The following RBFOX1 variants were observed in gnomAD, a reference collection of about 807,000 sequenced individuals.
The protein encoded by RBFOX1 is RNA binding fox-1 homolog 1, also known as RNA binding protein fox-1 homolog 1.
A neutral mutation model predicts 57.7 loss-of-function variants in RBFOX1; 8 were observed. That is an observed-to-expected ratio of 0.14 (90% CI 0.08 to 0.25). RBFOX1 has a LOEUF of 0.25. RBFOX1 is among the 10% of genes least tolerant of loss of function. RBFOX1 has a pLI of 1.00. For synonymous variants in RBFOX1, 326 were observed against 222.4 expected (o/e 1.47, Z -4.15); for missense variants, 611 against 548.5 (o/e 1.11, Z -1.14).
intron 3 of RBFOX1, among the ~76,000 whole-genome samples, chr16:5,845,139 T>C (rs2056723259): frequency 6.6e-6 from 1 of 151,930 alleles, no homozygotes; most frequent in Non-Finnish European, 1.5e-5. Flanking sequence ...TCCCTTAAGC[T>C]TTAATTAATG....
At chr16:7,331,389 T>C (rs1460323746) in intron 4 of RBFOX1, among the ~76,000 whole-genome samples, 1 of 152,160 alleles carries the variant, frequency 6.6e-6, no homozygotes, top group Non-Finnish European at 1.5e-5. Context: ...TGGGCATTAT[T>C]TGAGTGGATT....
chr16:6,867,372 A>G (rs771112882), intron 3 of RBFOX1, among the ~76,000 whole-genome samples: 6 of 151,912 alleles, frequency 3.9e-5, no homozygotes, highest in Non-Finnish European at 5.9e-5. Context: ...ATTCTTTTTA[A>G]TGACCTTTAT....
intron 3 of RBFOX1, among the ~76,000 whole-genome samples, chr16:5,800,494 C>T (rs1236281330): frequency 2.6e-5 from 4 of 152,074 alleles, no homozygotes; most frequent in Non-Finnish European, 5.9e-5. Context: ...TAGACGGAGA[C>T]TCCTCTGCTG....
chr16:5,855,572 A>G (rs1045899724), intron 3 of RBFOX1, among the ~76,000 whole-genome samples: 1 of 152,016 alleles, frequency 6.6e-6, no homozygotes, highest in African/African-American at 2.4e-5. Context: ...ATTCTGTTCC[A>G]TTGGTCTTTA....
intron 4 of RBFOX1, among the ~76,000 whole-genome samples, chr16:7,410,830 CGTGTGT>C (rs56755477): frequency 0.32 from 48,387 of 150,306 alleles, 7,995 homozygotes; most frequent in Middle Eastern, 0.38. Context: ...TGAGTTTTCA[CGTGTGT>C]GTGTGTGTGT....
chr16:6,092,518 T>G (rs1268942790), intron 1 of RBFOX1: 1 of 152,210 alleles, frequency 6.6e-6, no homozygotes, highest in Non-Finnish European at 1.5e-5. Flanking sequence ...GTTCAACATG[T>G]TATAACTTCA....
At chr16:7,446,986 G>T (rs1461066467) in intron 4 of RBFOX1, among the ~76,000 whole-genome samples, 1 of 150,928 alleles carries the variant, frequency 6.6e-6, no homozygotes, top group African/African-American at 2.4e-5. Context: ...CTAATATTTT[G>T]TATTTTTAGT....
At chr16:6,401,556 T>A (rs959952970) in intron 2 of RBFOX1, among the ~76,000 whole-genome samples, 1 of 152,152 alleles carries the variant, frequency 6.6e-6, no homozygotes, top group Non-Finnish European at 1.5e-5. Flanking sequence ...GGGACAGCAG[T>A]GTTTAGCCGT....
chr16:7,418,376 C>G lies in RBFOX1; in HGVS notation c.28-99771C>G, dbSNP rs186872610. On this transcript the variant is annotated intron_variant, in intron 4 of 15. Transcript: ENST00000550418. ...TCCTGGTGTCTTGTGTGGCAAACAG[C>G]TTTGATACTTGCCCATGTCCCATGG... Among the ~76,000 whole-genome samples the G allele has an allele frequency of 4.3e-3, 658 of 152,302 alleles. 12 individuals are homozygous for G. The highest frequency in any genetic ancestry group is 3.4e-3 in the Non-Finnish European group (233 of 68,032).
chr16:6,829,469 C>G (rs531878159), intron 3 of RBFOX1, among the ~76,000 whole-genome samples: 50 of 137,146 alleles, frequency 3.6e-4, no homozygotes, highest in African/African-American at 1.4e-3. Context: ...CAATGAAATA[C>G]CACTCAACCA....
At chr16:6,224,972 T>C (rs2152888843) in intron 1 of RBFOX1, among the ~76,000 whole-genome samples, 1 of 134,826 alleles carries the variant, frequency 7.4e-6, no homozygotes, top group African/African-American at 2.8e-5. Flanking sequence ...TGAGCCAAGA[T>C]TGTGCCATTA....
intron 4 of RBFOX1, among the ~76,000 whole-genome samples, chr16:5,987,474 T>C (rs780054830): frequency 9.2e-5 from 14 of 152,226 alleles, no homozygotes; most frequent in Admixed American, 2.0e-4. Context: ...CATTTTCTTT[T>C]ATATTTTTCA....
intron 2 of RBFOX1, 111 bp downstream of exon 2, chr16:6,317,168 C>A: frequency 1.9e-6 from 2 of 1,038,950 alleles, no homozygotes; most frequent in Non-Finnish European, 2.8e-6. Context: ...AAAAACTTTG[C>A]TGCCTGCCTA....
chr16:5,719,654 T>A (rs537896350), intron 3 of RBFOX1, among the ~76,000 whole-genome samples: 3 of 152,284 alleles, frequency 2.0e-5, no homozygotes, highest in South Asian at 4.1e-4. Flanking sequence ...ATAGAAGAAA[T>A]CATACCGTAG....
chr16:5,963,064 A>G (rs2059781435), intron 4 of RBFOX1, among the ~76,000 whole-genome samples: 1 of 152,202 alleles, frequency 6.6e-6, no homozygotes, highest in African/African-American at 2.4e-5. Flanking sequence ...TGATCGTAAT[A>G]TGTGAGTTAA....
intron 2 of RBFOX1, among the ~76,000 whole-genome samples, chr16:6,425,458 A>G (rs1389950583): frequency 2.0e-5 from 3 of 152,148 alleles, no homozygotes; most frequent in Non-Finnish European, 4.4e-5. Context: ...ACCTCTCACC[A>G]TTTCTGTGGG....
At chr16:7,522,396 G>A (rs2077706965) in intron 5 of RBFOX1, among the ~76,000 whole-genome samples, 1 of 152,148 alleles carries the variant, frequency 6.6e-6, no homozygotes, top group Non-Finnish European at 1.5e-5. Flanking sequence ...TGAATGTTGG[G>A]CTATACAGCC....
intron 4 of RBFOX1, among the ~76,000 whole-genome samples, chr16:7,497,596 C>G (rs570023522): frequency 2.2e-4 from 34 of 152,254 alleles, no homozygotes; most frequent in African/African-American, 7.9e-4. Context: ...AAAACAAATG[C>G]TTATTGTGAA....
rs775870765 is a variant in RBFOX1 at position 6,065,084 on chromosome 16, A to ATG, written c.-127+45093_-127+45094dup. On this transcript the variant is annotated intron_variant, in intron 1 of 15. Coordinates refer to ENST00000550418, the MANE Select transcript of RBFOX1 (RefSeq NM_018723.4). ...GTTCTGTCACCCAGGCTAGAGTATA[A>ATG]TGGTGTGATCCTGGCTTACTGCAGC... Among the ~76,000 whole-genome samples the ATG allele has an allele frequency of 8.0e-5, 12 of 150,840 alleles. No homozygotes were observed. In the East Asian group the frequency reaches 2.0e-3, roughly 25 times the overall value.
Sources: allele counts gnomAD v4.1 joint callset (sites outside exome capture counted in the v4.1 genomes callset), GRCh38; gene constraint gnomAD v4.1.1; transcripts MANE v1.5; gene names NCBI Gene and HGNC (gene_info 2026-07-23, HGNC 2026-07-21).